Variants in TNRC18 observed in about 807,000 individuals in gnomAD.
TNRC18 encodes the protein trinucleotide repeat-containing gene 18 protein.
TNRC18 carries 69 observed loss-of-function variants against 226.7 expected under a neutral mutation model. That is an observed-to-expected ratio of 0.30 (90% CI 0.25 to 0.37). TNRC18 has a LOEUF of 0.37. TNRC18 is among the 10% of genes least tolerant of loss of function. TNRC18 has a pLI of 1.00. For missense variants in TNRC18, 4,754 were observed against 4,256.6 expected (o/e 1.12, Z -3.25); for synonymous variants, 2,449 against 1,927.6 (o/e 1.27, Z -7.09).
intron 18 of TNRC18, among the ~76,000 whole-genome samples, chr7:5,337,758 G>A (rs1790273157): frequency 6.6e-6 from 1 of 152,144 alleles, no homozygotes; most frequent in African/African-American, 2.4e-5. Flanking sequence ...GCTGAGGCGG[G>A]TGGATCATGA....
At chr7:5,357,303 TA>T (rs1792544614) in intron 15 of TNRC18, 27 bp from the exon 16 acceptor site, 5 of 1,589,908 alleles carry the variant, frequency 3.1e-6, no homozygotes, top group Non-Finnish European at 4.3e-6. Flanking sequence ...GGTCATGGGT[TA>T]AAAGATCTGA....
intron 18 of TNRC18, among the ~76,000 whole-genome samples, chr7:5,334,588 T>C (rs1007044230): frequency 3.3e-5 from 5 of 152,040 alleles, no homozygotes; most frequent in African/African-American, 1.2e-4. Context: ...TGATCATTAA[T>C]CTTTTGCTAA....
chr7:5,306,811 T>TTTTC lies in TNRC18; in HGVS notation c.*1291_*1294dup, dbSNP rs1010863348. On this transcript the variant is annotated 3_prime_UTR_variant, in exon 30 of 30. Coordinates refer to ENST00000430969, the MANE Select transcript of TNRC18 (RefSeq NM_001080495.3). The stretch of plus-strand genomic sequence containing the variant: ...ACAATTTTATTTTTCCAATTAAATC[T>TTTTC]TTTCTTTTTTTTTATGAAAAAAGAT... 40 of 151,784 alleles carry TTTTC rather than the reference T, an allele frequency of 2.6e-4. No homozygotes were observed. The highest frequency in any genetic ancestry group is 9.4e-4 in the African/African-American group (39 of 41,298). The allele number at this position is 151,784 out of a possible 1,614,324, so 9.4% of individuals were successfully genotyped here.
chr7:5,326,576 G>C (rs910651461), intron 19 of TNRC18, among the ~76,000 whole-genome samples: 2 of 152,084 alleles, frequency 1.3e-5, no homozygotes, highest in African/African-American at 4.8e-5. Flanking sequence ...CTCCCAAGTA[G>C]CTTGGACTAC....
intron 18 of TNRC18, among the ~76,000 whole-genome samples, chr7:5,339,162 G>A (rs376017999): frequency 7.3e-5 from 11 of 150,636 alleles, no homozygotes; most frequent in South Asian, 2.1e-4. Flanking sequence ...TTGGGGCTCC[G>A]TGAACAGTGC....
intron 5 of TNRC18, among the ~76,000 whole-genome samples, chr7:5,382,171 T>C (rs1779441011): frequency 6.6e-6 from 1 of 151,894 alleles, no homozygotes; most frequent in African/African-American, 2.4e-5. Context: ...TAAAGAAACA[T>C]GCCCAAGTCA....
chr7:5,308,960 G>A lies in TNRC18; in HGVS notation c.8626-11C>T. The stretch of plus-strand genomic sequence containing the variant: ...CTTCTGGTCCCAGTGCTGTGTGGGG[G>A]AGAGAGGAGGGGCTTGGGTGAGCCC... On this transcript the variant is annotated splice_polypyrimidine_tract_variant and intron_variant, in intron 28 of 29. Coordinates refer to ENST00000430969, the MANE Select transcript of TNRC18 (RefSeq NM_001080495.3). The A allele has an allele frequency of 6.3e-7, 1 of 1,597,992 alleles. No individual in the cohort carries two copies.
In TNRC18 at chr7:5,307,144, G is replaced by A. The variant is rs1403973287; in HGVS notation, c.*962C>T. The A allele has an allele frequency of 6.6e-6, 1 of 151,664 alleles. No individual in the cohort carries two copies. Among genetic ancestry groups the A allele is most frequent in the Non-Finnish European group, 1.5e-5 (1 of 67,942 alleles). 9.4% of individuals were successfully genotyped at this position (151,664 alleles called of 1,614,324 possible). A position where few individuals can be genotyped will look rare whatever the true frequency, so the allele number is the denominator to read the frequency against. ...GTGTGCTGGGGACTGGGAGGCCGGT[G>A]AAGCCGGTGCTAGACACTATAATCT... On this transcript the variant is annotated 3_prime_UTR_variant, in exon 30 of 30. Transcript: ENST00000430969.
chr7:5,330,293 G>T (rs935874538), intron 19 of TNRC18, among the ~76,000 whole-genome samples: 2 of 152,050 alleles, frequency 1.3e-5, no homozygotes, highest in African/African-American at 4.8e-5. Context: ...GAGGCAGTAT[G>T]ATCATAGCTC....
chr7:5,316,046 C>T lies in TNRC18; in HGVS notation c.6772G>A (p.Asp2258Asn), dbSNP rs1787811765. ...RGLLDLEDDG[D>N]LITVEFDDGD... ...TCGTCAAACTCCACGGTGATCAAGT[C>T]CCCATCGTCCTCCAGGTCCAGTAAC... The change falls in exon 25 of 30, where the codon GAC becomes AAC. Residue 2258 changes from aspartate to asparagine, a missense_variant. Transcript: ENST00000430969. The T allele has an allele frequency of 1.9e-6, 3 of 1,610,594 alleles. No homozygotes were observed. The highest frequency in any genetic ancestry group is 2.5e-6 in the Non-Finnish European group (3 of 1,178,402).
In TNRC18 at chr7:5,307,490, C is replaced by G. The variant is rs1407467149; in HGVS notation, c.*616G>C. On this transcript the variant is annotated 3_prime_UTR_variant, in exon 30 of 30. Coordinates refer to ENST00000430969, the MANE Select transcript of TNRC18 (RefSeq NM_001080495.3). ...GACCAGGGTGGGCCTGTGCCGGGCC[C>G]TCTCCACCTGGTGCCTTTGACAGAC... The G allele has an allele frequency of 2.2e-6, 1 of 445,566 alleles. No homozygotes were observed. Among genetic ancestry groups the G allele is most frequent in the Non-Finnish European group, 4.5e-6 (1 of 221,504 alleles). The allele number at this position is 445,566 out of a possible 1,614,324, so 27.6% of individuals were successfully genotyped here.
intron 2 of TNRC18, among the ~76,000 whole-genome samples, chr7:5,407,886 A>G (rs142859093): frequency 7.8e-4 from 119 of 152,316 alleles, no homozygotes; most frequent in African/African-American, 2.5e-3. Context: ...AGAAAAAGCT[A>G]GAAGACATCA....
chr7:5,351,661 C>A (rs1238847593), intron 17 of TNRC18, 158 bp downstream of exon 17: 1 of 746,590 alleles, frequency 1.3e-6, no homozygotes, highest in Admixed American at 3.0e-5. Flanking sequence ...CAGCAGGCTA[C>A]GCTGCCAAGA....
Position 5,377,315 on chromosome 7 carries a change from C to T in TNRC18, c.2461+56G>A, listed in dbSNP as rs1779053366. 3.2e-6 allele frequency: 4 copies of T among 1,239,402 alleles called. No homozygotes were observed. Among genetic ancestry groups the T allele is most frequent in the South Asian group, 1.5e-5 (1 of 67,682 alleles). 76.8% of individuals were successfully genotyped at this position (1,239,402 alleles called of 1,614,324 possible). On this transcript the variant is annotated intron_variant, in intron 7 of 29. Coordinates refer to ENST00000430969, the MANE Select transcript of TNRC18 (RefSeq NM_001080495.3). The surrounding 1 kb of genome is among the most constrained non-coding windows in gnomAD (Gnocchi z 5.8). ...CAGCCCTGAGCTCTTGTCCTGCACC[C>T]GCCCCCTCCCACCCCTCCCTCAGAG...
intron 17 of TNRC18, among the ~76,000 whole-genome samples, chr7:5,346,063 G>A (rs1240344946): frequency 2.0e-5 from 3 of 152,258 alleles, no homozygotes; most frequent in Non-Finnish European, 4.4e-5. Flanking sequence ...GTGTCAGGGT[G>A]GGCTTCTGTG....
At chr7:5,351,150 C>CGGCAGGCG (rs1791763224) in intron 17 of TNRC18, among the ~76,000 whole-genome samples, 1 of 151,764 alleles carries the variant, frequency 6.6e-6, no homozygotes, top group African/African-American at 2.4e-5. Context: ...CACAGGCAAG[C>CGGCAGGCG]GGCAGGCGGC....
chr7:5,356,386 C>T (rs1237686939), intron 16 of TNRC18, among the ~76,000 whole-genome samples: 1 of 152,116 alleles, frequency 6.6e-6, no homozygotes, highest in Admixed American at 6.5e-5. Context: ...GCCAATGAAC[C>T]CCTGCATCCA....
rs1355038156 is a variant in TNRC18 at position 5,388,531 on chromosome 7, C to T, written c.1293G>A (p.Ser431=). ...GCGGCCGCTTGAGCGAGCGGATGACCGAGTTCTTCTCGCGCAGGCCCTCGG... is the reference window on the plus strand; with the variant it reads ...GCGGCCGCTTGAGCGAGCGGATGACTGAGTTCTTCTCGCGCAGGCCCTCGG... ...DRPEGLREKN[S]VIRSLKRPPP... is the part of the protein sequence containing the mutation. The change falls in exon 5 of 30, where the codon TCG becomes TCA. Residue 431 remains serine, a synonymous_variant. Transcript: ENST00000430969. 20 of 1,318,862 alleles carry T rather than the reference C, an allele frequency of 1.5e-5. No homozygotes were observed. In the Admixed American group the frequency reaches 1.7e-4, roughly 11 times the overall value. The allele number at this position is 1,318,862 out of a possible 1,614,324, so 81.7% of individuals were successfully genotyped here.
At chr7:5,393,560 C>G (rs1040541866) in intron 3 of TNRC18, among the ~76,000 whole-genome samples, 2 of 152,116 alleles carry the variant, frequency 1.3e-5, no homozygotes, top group African/African-American at 2.4e-5. Context: ...GCAGCAGGAG[C>G]TCCAGGGCTG....
Sources: gnomAD v4.1 joint callset for allele counts (sites outside exome capture counted in the v4.1 genomes callset) on GRCh38, gnomAD v4.1.1 for gene constraint, Gnocchi (gnomAD v3.1) non-coding constraint, MANE v1.5 for transcripts, NCBI Gene and HGNC (gene_info 2026-07-23, HGNC 2026-07-21) for gene names.